The following IGSF11 variants were observed in gnomAD, a reference collection of about 807,000 sequenced individuals.
IGSF11 encodes the protein CXADR like 1.
A neutral mutation model predicts 41.0 loss-of-function variants in IGSF11; 22 were observed. That is an observed-to-expected ratio of 0.54 (90% CI 0.38 to 0.77). The LOEUF (loss-of-function observed/expected upper bound fraction) is 0.77, where lower values mean the gene tolerates loss of function less well. Among genes scored for constraint, IGSF11 ranks in the 30% least tolerant of loss-of-function variants. IGSF11 has a pLI of 0.00. For synonymous variants in IGSF11, 219 were observed against 201.3 expected (o/e 1.09, Z -0.74); for missense variants, 444 against 530.8 (o/e 0.84, Z 1.61).
intron 1 of IGSF11, among the ~76,000 whole-genome samples, chr3:119,058,687 C>T (rs1032824227): frequency 4.7e-5 from 7 of 150,266 alleles, no homozygotes; most frequent in East Asian, 1.9e-4. Context: ...ATGTTTATTG[C>T]GGCACTATTC....
chr3:119,113,275 A>T (rs990143403), intron 1 of IGSF11, among the ~76,000 whole-genome samples: 2 of 152,208 alleles, frequency 1.3e-5, no homozygotes, highest in Non-Finnish European at 2.9e-5. Context: ...GTCTTAACTC[A>T]TTCCAGCATT....
intron 1 of IGSF11, among the ~76,000 whole-genome samples, chr3:119,032,683 C>T (rs1035233526): frequency 2.6e-5 from 4 of 152,232 alleles, no homozygotes; most frequent in Admixed American, 6.5e-5. Context: ...AATTCATACC[C>T]TATTCATTCA....
intron 1 of IGSF11, among the ~76,000 whole-genome samples, chr3:118,977,736 G>A (rs749134626): frequency 1.3e-5 from 2 of 152,112 alleles, no homozygotes; most frequent in Non-Finnish European, 1.5e-5. Flanking sequence ...GACCCTCAGA[G>A]GCCTTGAAAG....
intron 4 of IGSF11, among the ~76,000 whole-genome samples, chr3:118,924,693 A>AG (rs1942134396): frequency 3.9e-5 from 6 of 152,172 alleles, no homozygotes; most frequent in Non-Finnish European, 7.4e-5. Flanking sequence ...GGCTCTTTCT[A>AG]CAGCTATTTC....
intron 1 of IGSF11, among the ~76,000 whole-genome samples, chr3:118,951,957 A>C (rs1944603647): frequency 6.6e-6 from 1 of 152,144 alleles, no homozygotes; most frequent in African/African-American, 2.4e-5. Flanking sequence ...CTGACTGTAT[A>C]CATACAGACA....
chr3:119,014,611 G>T (rs557271061), intron 1 of IGSF11, among the ~76,000 whole-genome samples: 142 of 152,314 alleles, frequency 9.3e-4, no homozygotes, highest in African/African-American at 3.2e-3. Context: ...TTTCACTCAT[G>T]TTATTGGAAG....
At chr3:119,048,179 A>G (rs1559834655) in intron 1 of IGSF11, among the ~76,000 whole-genome samples, 1 of 152,252 alleles carries the variant, frequency 6.6e-6, no homozygotes, top group African/African-American at 2.4e-5. Flanking sequence ...GTGACACACA[A>G]AACGCTTCAA....
intron 1 of IGSF11, among the ~76,000 whole-genome samples, chr3:118,978,145 A>C (rs910181160): frequency 6.6e-6 from 1 of 152,140 alleles, no homozygotes; most frequent in African/African-American, 2.4e-5. Context: ...CCACCTGAGC[A>C]CACCATCCAG....
At chr3:119,144,716 A>T (rs1470596022) in intron 1 of IGSF11, among the ~76,000 whole-genome samples, 1 of 152,190 alleles carries the variant, frequency 6.6e-6, no homozygotes, top group Non-Finnish European at 1.5e-5. Context: ...TTGATAAATC[A>T]TCATTTTGTA....
At chr3:118,970,950 T>A (rs777172368) in intron 1 of IGSF11, among the ~76,000 whole-genome samples, 4 of 152,116 alleles carry the variant, frequency 2.6e-5, no homozygotes, top group Non-Finnish European at 5.9e-5. Flanking sequence ...CATTGGCAGC[T>A]GATGCAGAAC....
chr3:119,104,346 T>G (rs2076986152), intron 1 of IGSF11, among the ~76,000 whole-genome samples: 1 of 152,204 alleles, frequency 6.6e-6, no homozygotes. Flanking sequence ...CGAATTTCTT[T>G]TAGTTATTCA....
intron 1 of IGSF11, among the ~76,000 whole-genome samples, chr3:119,134,169 CT>C (rs974837682): frequency 1.3e-4 from 19 of 151,740 alleles, no homozygotes; most frequent in African/African-American, 2.4e-5. Flanking sequence ...CAAGGATGCC[CT>C]CTCTCACCAC....
In IGSF11 at chr3:119,105,045, C is replaced by T. The variant is rs555158288; in HGVS notation, c.49+99G>A. ...TTTTTTTTAGTAGTAGGAGAATATA[C>T]ATAGAAGTTAGTATCACAAAAAGCC... On this transcript the variant is annotated intron_variant, in intron 1 of 6. Transcript: ENST00000354673. 49 of 706,406 alleles carry T rather than the reference C, an allele frequency of 6.9e-5. No individual in the cohort carries two copies. The South Asian group carries it at 9.1e-4, about 13-fold the overall frequency. 43.8% of individuals were successfully genotyped at this position (706,406 alleles called of 1,614,324 possible).
intron 1 of IGSF11, among the ~76,000 whole-genome samples, chr3:118,977,935 C>G (rs1934301361): frequency 6.6e-6 from 1 of 152,182 alleles, no homozygotes. Flanking sequence ...ATCCCACCCC[C>G]AGCCCAACAG....
rs922530268 is a variant in IGSF11 at position 119,046,234 on chromosome 3, T to G, written c.49+58910A>C. On this transcript the variant is annotated intron_variant, in intron 1 of 6. Coordinates refer to the IGSF11 transcript ENST00000354673. Reference sequence around the variant, plus strand: ...ACATTCAAACCAAAGGCAAAGAAGTTGAAAACTTTGAAAAAAATTTAGAAG... The same window carrying G: ...ACATTCAAACCAAAGGCAAAGAAGTGGAAAACTTTGAAAAAAATTTAGAAG... 2.0e-4 allele frequency among the ~76,000 whole-genome samples: 30 copies of G among 147,946 alleles called. 1 individual carries two copies. In the East Asian group the frequency reaches 3.2e-3, roughly 16 times the overall value.
At chr3:119,028,328 A>G (rs42457) in intron 1 of IGSF11, among the ~76,000 whole-genome samples, 7 of 151,986 alleles carry the variant, frequency 4.6e-5, no homozygotes, top group African/African-American at 1.7e-4. Context: ...CAACATAAGG[A>G]TGATTTATAG....
chr3:119,087,469 C>T (rs2076695621), intron 1 of IGSF11, among the ~76,000 whole-genome samples: 1 of 151,888 alleles, frequency 6.6e-6, no homozygotes, highest in Admixed American at 6.6e-5. Flanking sequence ...TAATGACATA[C>T]ACAGCAACCT....
intron 1 of IGSF11, chr3:118,946,904 G>A (rs1192215860): frequency 6.6e-6 from 1 of 152,370 alleles, no homozygotes; most frequent in African/African-American, 2.4e-5. Flanking sequence ...GAGGTCAGGA[G>A]TTGCTTCCAC....
At chr3:119,007,597 A>T (rs938442084) in intron 1 of IGSF11, among the ~76,000 whole-genome samples, 7 of 151,838 alleles carry the variant, frequency 4.6e-5, no homozygotes, top group Admixed American at 1.3e-4. Flanking sequence ...TCCCCCAACC[A>T]TCTCAGAGTA....
Sources: allele counts gnomAD v4.1 joint callset (sites outside exome capture counted in the v4.1 genomes callset), GRCh38; gene constraint gnomAD v4.1.1; transcripts MANE v1.5; gene names NCBI Gene and HGNC (gene_info 2026-07-23, HGNC 2026-07-21).